Variants in MAP2 observed in about 807,000 individuals in gnomAD.
The protein encoded by MAP2 is microtubule-associated protein 2.
Under a neutral mutation model 137.6 loss-of-function variants are expected in MAP2, and 14 were observed. That is an observed-to-expected ratio of 0.10 (90% CI 0.07 to 0.16). The LOEUF (loss-of-function observed/expected upper bound fraction) is 0.16. Ranked by LOEUF, MAP2 falls within the 10% of genes least tolerant of loss-of-function variation. The pLI is 1.00. For missense variants in MAP2, 2,088 were observed against 2,191.5 expected, an observed-to-expected ratio of 0.95 and a Z score of 0.94; for synonymous variants, 786 against 782.3, an observed-to-expected ratio of 1.00 and a Z score of -0.08.
At chr2:209,678,030 A>C (rs1001238485) in intron 5 of MAP2, among the ~76,000 whole-genome samples, 2 of 152,040 alleles carry the variant, frequency 1.3e-5, no homozygotes, top group African/African-American at 4.8e-5. Flanking sequence ...TATATAAATT[A>C]TATTTTTAGA....
Position 209,710,175 on chromosome 2 carries a change from A to G in MAP2, c.4994A>G (p.Gln1665Arg), listed in dbSNP as rs1184836325. The change falls in exon 13 of 16, where the codon CAA becomes CGA. Residue 1665 changes from glutamine (Q) to arginine (R), a missense_variant. Gln to Arg is a conservative substitution (Grantham distance 43, BLOSUM62 1). Transcript: ENST00000682079. ...CCCAAGCAGCTTCGGCTTATTAACC[A>G]ACCACTGCCAGACCTGAAGAATGTC... ...ATPKQLRLIN[Q>R]PLPDLKNVKS... is the part of the protein sequence containing the mutation. 1.2e-6 allele frequency: 2 copies of G among 1,613,356 alleles called. No individual in the cohort carries two copies. The highest frequency in any genetic ancestry group is 4.5e-5 in the East Asian group (2 of 44,862).
chr2:209,726,524 C>T (rs1034656254), intron 14 of MAP2, among the ~76,000 whole-genome samples: 5 of 152,152 alleles, frequency 3.3e-5, no homozygotes, highest in African/African-American at 1.2e-4. Context: ...TTTGGGAATC[C>T]AAGGCAGGAG....
intron 1 of MAP2, among the ~76,000 whole-genome samples, chr2:209,437,744 T>G (rs1696695028): frequency 6.6e-6 from 1 of 151,646 alleles, no homozygotes; most frequent in Admixed American, 6.6e-5. Flanking sequence ...AATGGCAATA[T>G]TCTTCTTTAA....
intron 2 of MAP2, among the ~76,000 whole-genome samples, chr2:209,521,346 T>A (rs192788333): frequency 6.6e-6 from 1 of 152,088 alleles, no homozygotes. Context: ...TATTAATAAT[T>A]TCAAAATACA....
intron 3 of MAP2, among the ~76,000 whole-genome samples, chr2:209,593,802 TATATA>T (rs2080304431): frequency 4.1e-5 from 1 of 24,310 alleles, no homozygotes; most frequent in Non-Finnish European, 8.7e-5. Context: ...TTATATATAA[TATATA>T]ATATAATATA....
intron 2 of MAP2, among the ~76,000 whole-genome samples, chr2:209,562,402 A>AG (rs1329260697): frequency 5.3e-5 from 8 of 152,068 alleles, no homozygotes; most frequent in African/African-American, 1.9e-4. Flanking sequence ...GCTTGAAAAA[A>AG]AAAGCTAATG....
At chr2:209,528,353 T>C (rs1009209371) in intron 2 of MAP2, among the ~76,000 whole-genome samples, 2 of 152,328 alleles carry the variant, frequency 1.3e-5, no homozygotes, top group African/African-American at 2.4e-5. Flanking sequence ...AGATATTATA[T>C]AGTCTTCTTT....
At chr2:209,705,460 G>T (rs1166869909) in intron 11 of MAP2, 120 bp from the exon 12 acceptor site, 1 of 673,436 alleles carries the variant, frequency 1.5e-6, no homozygotes, top group East Asian at 3.0e-5. Context: ...ATGAAATCCA[G>T]TAGTTTGTAT....
chr2:209,595,883 C>T (rs1037291186), intron 3 of MAP2, among the ~76,000 whole-genome samples: 1 of 152,144 alleles, frequency 6.6e-6, no homozygotes, highest in Non-Finnish European at 1.5e-5. Context: ...CATGTTCTCA[C>T]TCATAGGTGG....
At chr2:209,714,759 A>C (rs1462707443) in intron 13 of MAP2, among the ~76,000 whole-genome samples, 2 of 152,210 alleles carry the variant, frequency 1.3e-5, no homozygotes, top group African/African-American at 4.8e-5. Flanking sequence ...TAAGAAACAG[A>C]AGTTCTCACA....
intron 11 of MAP2, 129 bp downstream of exon 11, chr2:209,700,467 A>G (rs2061481137): frequency 5.7e-6 from 4 of 706,912 alleles, no homozygotes; most frequent in Middle Eastern, 2.8e-4. Flanking sequence ...TCGCTCACCC[A>G]GAAGATTCTC....
chr2:209,448,402 G>C (rs1253869157), intron 1 of MAP2, among the ~76,000 whole-genome samples: 1 of 152,038 alleles, frequency 6.6e-6, no homozygotes, highest in East Asian at 1.9e-4. Context: ...GCTTCCCAAG[G>C]ATTAACAGAA....
At chr2:209,701,674 T>C (rs2061802268) in intron 11 of MAP2, among the ~76,000 whole-genome samples, 1 of 152,102 alleles carries the variant, frequency 6.6e-6, no homozygotes, top group Non-Finnish European at 1.5e-5. Context: ...GGGTTTTATG[T>C]TGATAAAAGA....
intron 3 of MAP2, among the ~76,000 whole-genome samples, chr2:209,595,464 G>A (rs2080993890): frequency 6.6e-6 from 1 of 152,190 alleles, no homozygotes; most frequent in Non-Finnish European, 1.5e-5. Context: ...AACAACAGAT[G>A]CTGGAGAGGA....
At chr2:209,509,030 T>C (rs1358419778) in intron 2 of MAP2, among the ~76,000 whole-genome samples, 1 of 151,964 alleles carries the variant, frequency 6.6e-6, no homozygotes, top group Non-Finnish European at 1.5e-5. Flanking sequence ...CAGTAATATT[T>C]TCAATGCACA....
At chr2:209,430,844 C>A (rs79897334) in intron 1 of MAP2, among the ~76,000 whole-genome samples, 5,324 of 152,182 alleles carry the variant, frequency 0.035, 328 homozygotes, top group African/African-American at 0.12. Flanking sequence ...AAATACTAAG[C>A]ATCTACTGAA....
At chr2:209,676,363 A>G (rs1208454845) in intron 5 of MAP2, among the ~76,000 whole-genome samples, 1 of 151,540 alleles carries the variant, frequency 6.6e-6, no homozygotes, top group African/African-American at 2.4e-5. Flanking sequence ...ATCAAGGGGA[A>G]CAACACACAC....
At chr2:209,435,965 T>A (rs902536026) in intron 1 of MAP2, among the ~76,000 whole-genome samples, 14 of 138,092 alleles carry the variant, frequency 1.0e-4, no homozygotes, top group African/African-American at 2.9e-4. Context: ...ACAGTATATA[T>A]TATATATAAT....
chr2:209,546,373 CAAATA>C (rs2068070807), intron 2 of MAP2, among the ~76,000 whole-genome samples: 1 of 151,962 alleles, frequency 6.6e-6, no homozygotes, highest in African/African-American at 2.4e-5. Flanking sequence ...CTACATATAA[CAAATA>C]AAATGATTAT....
Sources: allele counts gnomAD v4.1 joint callset (sites outside exome capture counted in the v4.1 genomes callset), GRCh38; gene constraint gnomAD v4.1.1; transcripts MANE v1.5; gene names NCBI Gene and HGNC (gene_info 2026-07-23, HGNC 2026-07-21).